The following XKR4 variants were observed in gnomAD, a reference collection of about 807,000 sequenced individuals.
XKR4 encodes the protein XK related 4.
Under a neutral mutation model 53.9 loss-of-function variants are expected in XKR4, and 12 were observed. That is an observed-to-expected ratio of 0.22 (90% CI 0.14 to 0.36). The LOEUF (loss-of-function observed/expected upper bound fraction) is 0.36. XKR4 is among the 10% of genes least tolerant of loss of function. XKR4 has a pLI of 1.00. For synonymous variants in XKR4, 354 were observed against 362.4 expected (o/e 0.98, Z 0.26); for missense variants, 799 against 859.5 (o/e 0.93, Z 0.88).
intron 2 of XKR4, among the ~76,000 whole-genome samples, chr8:55,361,929 T>G (rs556540205): frequency 1.3e-5 from 2 of 152,334 alleles, no homozygotes; most frequent in South Asian, 4.1e-4. Context: ...CGGTCCTAAC[T>G]GCTCGTTCAC....
intron 1 of XKR4, among the ~76,000 whole-genome samples, chr8:55,347,837 T>A (rs748774676): frequency 6.6e-6 from 1 of 152,238 alleles, no homozygotes; most frequent in African/African-American, 2.4e-5. Context: ...TGCTAAATTT[T>A]TAGCTGTGTA....
intron 1 of XKR4, among the ~76,000 whole-genome samples, chr8:55,234,959 C>T (rs1434379782): frequency 6.6e-6 from 1 of 152,200 alleles, no homozygotes; most frequent in Non-Finnish European, 1.5e-5. Context: ...AGCTGCCACA[C>T]TAGTTTCCTG....
chr8:55,115,358 G>T (rs909767939), intron 1 of XKR4, among the ~76,000 whole-genome samples: 3 of 147,788 alleles, frequency 2.0e-5, no homozygotes, highest in African/African-American at 5.0e-5. Flanking sequence ...TTGTTGCTTG[G>T]AAACTTAACA....
chr8:55,384,069 G>C (rs1027203121), intron 2 of XKR4, among the ~76,000 whole-genome samples: 3 of 152,192 alleles, frequency 2.0e-5, no homozygotes, highest in African/African-American at 7.2e-5. Context: ...TGGACACACA[G>C]AATGTGATTG....
Position 55,233,386 on chromosome 8 carries a change from C to CTT in XKR4, c.807-124280_807-124279dup, listed in dbSNP as rs34681134. Among the ~76,000 whole-genome samples the CTT allele has an allele frequency of 8.2e-3, 1,225 of 148,668 alleles. 20 individuals are homozygous for CTT. The highest frequency in any genetic ancestry group is 0.026 in the African/African-American group (1,041 of 40,540). On this transcript the variant is annotated intron_variant, in intron 1 of 2. Coordinates refer to ENST00000327381, the MANE Select transcript of XKR4 (RefSeq NM_052898.2). ...TAAATTCCCACTGGGGCCATCTGAT[C>CTT]TTTTTTTTTTTTTAAACCAGGTCAA...
chr8:55,112,185 TG>T (rs1188292324), intron 1 of XKR4, among the ~76,000 whole-genome samples: 3 of 152,376 alleles, frequency 2.0e-5, no homozygotes, highest in East Asian at 3.9e-4. Flanking sequence ...CTCATCTTTA[TG>T]ATTCATAAGT....
intron 1 of XKR4, among the ~76,000 whole-genome samples, chr8:55,235,970 A>G (rs931669755): frequency 1.3e-5 from 2 of 152,200 alleles, no homozygotes; most frequent in African/African-American, 4.8e-5. Context: ...TCTGCATTAA[A>G]TTGTTCAGAG....
chr8:55,494,065 T>C (rs1009930858), intron 2 of XKR4, among the ~76,000 whole-genome samples: 1 of 152,234 alleles, frequency 6.6e-6, no homozygotes, highest in Non-Finnish European at 1.5e-5. Context: ...GCTACTGGCC[T>C]AGATCCCACG....
chr8:55,494,884 C>G (rs968191014), intron 2 of XKR4, among the ~76,000 whole-genome samples: 2 of 152,164 alleles, frequency 1.3e-5, no homozygotes, highest in African/African-American at 4.8e-5. Context: ...GGACTGACTG[C>G]CCTGCCCCCA....
chr8:55,224,788 G>A (rs1416886954), intron 1 of XKR4, among the ~76,000 whole-genome samples: 16 of 152,002 alleles, frequency 1.1e-4, no homozygotes, highest in Admixed American at 1.0e-3. Flanking sequence ...ATTATCCCAT[G>A]GTAAACATTT....
chr8:55,356,651 TAGA>T (rs1803800044), intron 1 of XKR4, among the ~76,000 whole-genome samples: 1 of 152,202 alleles, frequency 6.6e-6, no homozygotes, highest in South Asian at 2.1e-4. Context: ...AAAATACTTA[TAGA>T]TGAAATAATG....
At chr8:55,379,198 C>T (rs1804196594) in intron 2 of XKR4, among the ~76,000 whole-genome samples, 1 of 152,192 alleles carries the variant, frequency 6.6e-6, no homozygotes, top group African/African-American at 2.4e-5. Context: ...TCTCTGTCAG[C>T]TCATCATGTC....
At chr8:55,308,093 A>C (rs552565194) in intron 1 of XKR4, among the ~76,000 whole-genome samples, 3 of 152,026 alleles carry the variant, frequency 2.0e-5, no homozygotes. Context: ...TCTCTACTAA[A>C]AATACAAAAA....
At chr8:55,444,839 T>A (rs1000618542) in intron 2 of XKR4, among the ~76,000 whole-genome samples, 34 of 152,208 alleles carry the variant, frequency 2.2e-4, no homozygotes, top group Non-Finnish European at 4.4e-5. Context: ...TCTATGCATA[T>A]GCACTAGAGA....
intron 1 of XKR4, among the ~76,000 whole-genome samples, chr8:55,273,634 T>C (rs1818724054): frequency 6.6e-6 from 1 of 152,154 alleles, no homozygotes; most frequent in South Asian, 2.1e-4. Flanking sequence ...TCATCCAATC[T>C]TGTGGCCCCC....
chr8:55,284,314 A>G (rs1368387057), intron 1 of XKR4, among the ~76,000 whole-genome samples: 3 of 152,182 alleles, frequency 2.0e-5, no homozygotes, highest in Non-Finnish European at 4.4e-5. Context: ...TAAACAACAA[A>G]TATTTATTTT....
chr8:55,109,686 G>A (rs957024915), intron 1 of XKR4, among the ~76,000 whole-genome samples: 10 of 152,138 alleles, frequency 6.6e-5, no homozygotes, highest in Admixed American at 2.6e-4. Context: ...ACTATGAAGT[G>A]TTTACTTCAC....
At chr8:55,381,827 C>T (rs534598975) in intron 2 of XKR4, among the ~76,000 whole-genome samples, 18 of 152,352 alleles carry the variant, frequency 1.2e-4, no homozygotes, top group African/African-American at 3.6e-4. Flanking sequence ...CATAGAAACA[C>T]TTCCCCCTCT....
In XKR4 at chr8:55,423,158, C is replaced by T. The variant is rs534324500; in HGVS notation, c.1006+65281C>T. ...TTGCCCAGGCTGGAGTGCAGTGGCA[C>T]GATTTTGGCTTACTGCAACCTCTAC... On this transcript the variant is annotated intron_variant, in intron 2 of 2. Transcript: ENST00000327381. Among the ~76,000 whole-genome samples the T allele has an allele frequency of 5.9e-5, 9 of 151,834 alleles. No homozygotes were observed. The South Asian group carries it at 1.7e-3, about 28-fold the overall frequency.
Sources: allele counts gnomAD v4.1 joint callset (sites outside exome capture counted in the v4.1 genomes callset), GRCh38; gene constraint gnomAD v4.1.1; transcripts MANE v1.5; gene names NCBI Gene and HGNC (gene_info 2026-07-23, HGNC 2026-07-21).